PDZRN3: variants seen among roughly 807,000 people sequenced by gnomAD.
The protein encoded by PDZRN3 is PDZ domain containing ring finger 3.
PDZRN3 carries 38 observed loss-of-function variants against 85.7 expected under a neutral mutation model. That is an observed-to-expected ratio of 0.44 (90% CI 0.34 to 0.58). PDZRN3 has a LOEUF of 0.58. Ranked by LOEUF, PDZRN3 falls within the 20% of genes least tolerant of loss-of-function variation. The pLI, the probability that PDZRN3 is intolerant of heterozygous loss-of-function variation, is 0.01. For synonymous variants in PDZRN3, 759 were observed against 638.0 expected (o/e 1.19, Z -2.86); for missense variants, 1,629 against 1,506.4 (o/e 1.08, Z -1.35).
At chr3:73,517,742 T>C (rs999992845) in intron 3 of PDZRN3, among the ~76,000 whole-genome samples, 3 of 152,238 alleles carry the variant, frequency 2.0e-5, no homozygotes, top group African/African-American at 7.2e-5. Flanking sequence ...TTCTGTAATG[T>C]ATAATACTTT....
intron 3 of PDZRN3, among the ~76,000 whole-genome samples, chr3:73,406,788 C>T (rs1701863697): frequency 6.6e-6 from 1 of 152,166 alleles, no homozygotes; most frequent in South Asian, 2.1e-4. Flanking sequence ...ACTTCCTGTT[C>T]TTCTTAAGAG....
chr3:73,413,246 C>T (rs963142144), intron 3 of PDZRN3, among the ~76,000 whole-genome samples: 11 of 152,092 alleles, frequency 7.2e-5, no homozygotes, highest in East Asian at 5.8e-4. Context: ...CTATCTTTTT[C>T]GGGAAATACT....
chr3:73,542,895 G>A (rs1417811737), intron 3 of PDZRN3, among the ~76,000 whole-genome samples: 1 of 152,104 alleles, frequency 6.6e-6, no homozygotes, highest in Non-Finnish European at 1.5e-5. Flanking sequence ...ATCAAATTTG[G>A]TACTTCAGGA....
At chr3:73,394,665 T>C (rs1701600244) in intron 5 of PDZRN3, among the ~76,000 whole-genome samples, 1 of 152,204 alleles carries the variant, frequency 6.6e-6, no homozygotes, top group Non-Finnish European at 1.5e-5. Flanking sequence ...TGGGCTATAA[T>C]ATTTCCTTGC....
intron 6 of PDZRN3, among the ~76,000 whole-genome samples, chr3:73,390,220 A>G (rs976546608): frequency 6.6e-6 from 1 of 152,214 alleles, no homozygotes; most frequent in Admixed American, 6.5e-5. Flanking sequence ...ACCCTTCATT[A>G]TGTGGACTAG....
intron 3 of PDZRN3, among the ~76,000 whole-genome samples, chr3:73,538,810 C>T (rs1704849558): frequency 6.6e-6 from 1 of 152,156 alleles, no homozygotes; most frequent in Non-Finnish European, 1.5e-5. Flanking sequence ...ATTACAGCCT[C>T]ATGGCAGCCC....
intron 3 of PDZRN3, among the ~76,000 whole-genome samples, chr3:73,573,832 TACATATACATATACATA>T (rs1702079489): frequency 6.7e-6 from 1 of 149,100 alleles, no homozygotes; most frequent in Non-Finnish European, 1.5e-5. Context: ...CATATACATA[TACATATACATATACATA>T]TACGGTCCTT....
intron 3 of PDZRN3, among the ~76,000 whole-genome samples, chr3:73,416,875 G>GTT (rs1491373717): frequency 2.5e-4 from 10 of 40,734 alleles, no homozygotes; most frequent in Admixed American, 3.2e-4. Flanking sequence ...GTTTTTTTTT[G>GTT]GTTTTTTTTT....
intron 3 of PDZRN3, among the ~76,000 whole-genome samples, chr3:73,601,845 A>C (rs980570275): frequency 3.9e-5 from 6 of 151,986 alleles, no homozygotes; most frequent in African/African-American, 1.4e-4. Flanking sequence ...TCTGCCTGCA[A>C]ATCCCTGGGC....
intron 3 of PDZRN3, among the ~76,000 whole-genome samples, chr3:73,442,493 A>C (rs1490751329): frequency 3.3e-5 from 5 of 152,202 alleles, no homozygotes; most frequent in African/African-American, 7.2e-5. Context: ...TTGTGGATTC[A>C]GAAAAATGAC....
Position 73,624,326 on chromosome 3 carries a change from C to G in PDZRN3, c.500G>C (p.Arg167Pro). 7.6e-7 allele frequency: 1 copy of G among 1,310,962 alleles called. No individual in the cohort carries two copies. The highest frequency in any genetic ancestry group is 9.6e-7 in the Non-Finnish European group (1 of 1,037,312). The allele number at this position is 1,310,962 out of a possible 1,614,324, so 81.2% of individuals were successfully genotyped here. A position where few individuals can be genotyped will look rare whatever the true frequency, so the allele number is the denominator to read the frequency against. ...GGCCTGGAGCGCGCCGTTGTGCGCC[C>G]GCAGCGCTCGCGCGCAGCAGTGGCC... Reference protein sequence around the residue: ...AGGHCCARALRAHNGALQARL... With the variant: ...AGGHCCARALPAHNGALQARL... Residue 167 changes from arginine to proline, a missense_variant, in exon 1 of 10, where the codon CGG (arginine) becomes CCG (proline). By Grantham distance (103) the Arg-to-Pro change is moderately radical (BLOSUM62 -2). Transcript: ENST00000263666.
chr3:73,397,553 A>G (rs1427196142), intron 5 of PDZRN3, among the ~76,000 whole-genome samples: 1 of 152,214 alleles, frequency 6.6e-6, no homozygotes, highest in Non-Finnish European at 1.5e-5. Context: ...GGGTTTATTA[A>G]TTAACCTTCT....
In PDZRN3 at chr3:73,595,788, T is replaced by C. The variant is rs112513976; in HGVS notation, c.918+6566A>G. Among the ~76,000 whole-genome samples, 1,170 of 152,290 alleles carry C rather than the reference T, an allele frequency of 7.7e-3. 11 individuals are homozygous for C. The highest frequency in any genetic ancestry group is 0.026 in the African/African-American group (1,095 of 41,578). On this transcript the variant is annotated intron_variant, in intron 3 of 9. Coordinates refer to ENST00000263666, the MANE Select transcript of PDZRN3 (RefSeq NM_015009.3). Reference sequence around the variant, plus strand: ...CTGACTTGGACTGAAATTAGAGGTATTGATATAGGCATAGTTTCCAAGATA... The same window carrying C: ...CTGACTTGGACTGAAATTAGAGGTACTGATATAGGCATAGTTTCCAAGATA...
At chr3:73,507,868 C>A (rs1388189878) in intron 3 of PDZRN3, among the ~76,000 whole-genome samples, 1 of 151,998 alleles carries the variant, frequency 6.6e-6, no homozygotes, top group African/African-American at 2.4e-5. Context: ...ACGAGGTGGG[C>A]GATCATTTGA....
At chr3:73,609,418 G>C (rs1024115748) in intron 1 of PDZRN3, among the ~76,000 whole-genome samples, 1 of 152,192 alleles carries the variant, frequency 6.6e-6, no homozygotes, top group Non-Finnish European at 1.5e-5. Context: ...ATGCCAGGGA[G>C]AGTGTTCTCA....
rs972654419 is a variant in PDZRN3, at chr3:73,522,089, A to G, written c.918+80265T>C. ...ACTGTCCATAAATCAAGTTTTATTGAAACACAGCCACACCCATTCACTTTC... is the reference window on the plus strand; with the variant it reads ...ACTGTCCATAAATCAAGTTTTATTGGAACACAGCCACACCCATTCACTTTC... On this transcript the variant is annotated intron_variant, in intron 3 of 9. Transcript: ENST00000263666. Among the ~76,000 whole-genome samples, 7 of 152,240 alleles carry G rather than the reference A, an allele frequency of 4.6e-5. No individual in the cohort carries two copies. In the East Asian group the frequency reaches 5.8e-4, roughly 13 times the overall value.
intron 3 of PDZRN3, among the ~76,000 whole-genome samples, chr3:73,515,893 A>C (rs1704247883): frequency 6.6e-6 from 1 of 152,232 alleles, no homozygotes; most frequent in Non-Finnish European, 1.5e-5. Flanking sequence ...CACATACCTA[A>C]AACAACAGTC....
Position 73,511,144 on chromosome 3 carries a change from T to A in PDZRN3, c.918+91210A>T, listed in dbSNP as rs568381123. 2.0e-5 allele frequency among the ~76,000 whole-genome samples: 3 copies of A among 152,308 alleles called. 1 individual carries two copies. In the East Asian group the frequency reaches 5.8e-4, roughly 29 times the overall value. ...TTATGGCAGAAATATGGTGACTTCATTTCTCTTTCATGCTTTTCTCTATTT... is the reference window on the plus strand; with the variant it reads ...TTATGGCAGAAATATGGTGACTTCAATTCTCTTTCATGCTTTTCTCTATTT... On this transcript the variant is annotated intron_variant, in intron 3 of 9. Coordinates refer to ENST00000263666, the MANE Select transcript of PDZRN3 (RefSeq NM_015009.3).
chr3:73,569,997 A>G (rs1335361564), intron 3 of PDZRN3, among the ~76,000 whole-genome samples: 1 of 152,118 alleles, frequency 6.6e-6, no homozygotes, highest in Admixed American at 6.5e-5. Context: ...AAATGATGCC[A>G]TTTCAGCCTT....
Sources: allele counts gnomAD v4.1 joint callset (sites outside exome capture counted in the v4.1 genomes callset), GRCh38; gene constraint gnomAD v4.1.1; transcripts MANE v1.5; gene names NCBI Gene and HGNC (gene_info 2026-07-23, HGNC 2026-07-21).